Variants in CAP2 observed in about 807,000 individuals in gnomAD.
CAP2 encodes adenylyl cyclase-associated protein 2.
In CAP2, 24 loss-of-function variants were observed where a neutral mutation model predicts 57.7. That is an observed-to-expected ratio of 0.42 (90% CI 0.30 to 0.58). The LOEUF is 0.58. Ranked by LOEUF, CAP2 falls within the 20% of genes least tolerant of loss-of-function variation. CAP2 has a pLI of 0.22. For missense variants in CAP2, 501 were observed against 590.3 expected, an observed-to-expected ratio of 0.85 and a Z score of 1.57; for synonymous variants, 194 against 207.2, an observed-to-expected ratio of 0.94 and a Z score of 0.55.
chr6:17,531,707 T>C (rs1343457814), intron 7 of CAP2: 1 of 649,628 alleles, frequency 1.5e-6, no homozygotes, highest in Non-Finnish European at 2.6e-6. Flanking sequence ...TTGTCTGACC[T>C]GTACTTAAAG....
chr6:17,516,325 G>A (rs1323381500), intron 7 of CAP2, among the ~76,000 whole-genome samples: 1 of 152,228 alleles, frequency 6.6e-6, no homozygotes, highest in Non-Finnish European at 1.5e-5. Context: ...TAAGTGCTCA[G>A]TAAATGGTTT....
intron 4 of CAP2, among the ~76,000 whole-genome samples, chr6:17,467,382 A>G (rs1178920794): frequency 3.9e-5 from 6 of 152,244 alleles, no homozygotes; most frequent in Admixed American, 2.6e-4. Flanking sequence ...TTGTGGGTAC[A>G]TAGTAGGCAT....
At chr6:17,427,806 C>T (rs1464695078) in intron 3 of CAP2, among the ~76,000 whole-genome samples, 1 of 152,200 alleles carries the variant, frequency 6.6e-6, no homozygotes, top group African/African-American at 2.4e-5. Flanking sequence ...GAATATTATT[C>T]AGCCTTGAAA....
chr6:17,470,295 G>A (rs73375231), intron 4 of CAP2, among the ~76,000 whole-genome samples: 2,480 of 152,212 alleles, frequency 0.016, 74 homozygotes, highest in African/African-American at 0.056. Flanking sequence ...GTGTTTTCTT[G>A]TCTTTAAAAT....
intron 3 of CAP2, among the ~76,000 whole-genome samples, chr6:17,426,969 G>A (rs1254663262): frequency 6.6e-6 from 1 of 152,140 alleles, no homozygotes; most frequent in Admixed American, 6.5e-5. Flanking sequence ...TTTAGTCTGG[G>A]AAACAGATGA....
chr6:17,394,078 C>A (rs1163023725), intron 1 of CAP2, among the ~76,000 whole-genome samples: 1 of 149,936 alleles, frequency 6.7e-6, no homozygotes, highest in African/African-American at 2.4e-5. Context: ...TGGCGGGCGG[C>A]CGCGGCCTCC....
chr6:17,477,987 A>G (rs1403135044), intron 4 of CAP2, among the ~76,000 whole-genome samples: 1 of 148,158 alleles, frequency 6.7e-6, no homozygotes, highest in Non-Finnish European at 1.5e-5. Flanking sequence ...CTTTTCATAT[A>G]TATGAAATAT....
rs146568776 is a variant in CAP2, at chr6:17,519,104, G to A, written c.636+5150G>A. ...GGATTTTGAGATTTGCACTCTGTGG[G>A]GTTTTTAGTGACTGACAGCCTGCTG... On this transcript the variant is annotated intron_variant, in intron 7 of 12. Coordinates refer to ENST00000229922, the MANE Select transcript of CAP2 (RefSeq NM_006366.3). 4.5e-4 allele frequency among the ~76,000 whole-genome samples: 68 copies of A among 152,202 alleles called. 1 individual carries two copies. Among genetic ancestry groups the A allele is most frequent in the African/African-American group, 1.5e-3 (64 of 41,528 alleles).
intron 4 of CAP2, among the ~76,000 whole-genome samples, chr6:17,464,948 A>G (rs1204392713): frequency 6.6e-6 from 1 of 152,222 alleles, no homozygotes; most frequent in Non-Finnish European, 1.5e-5. Context: ...TTACCACTCC[A>G]TCCCTTCCCT....
intron 4 of CAP2, among the ~76,000 whole-genome samples, chr6:17,492,603 C>T (rs1206895337): frequency 6.6e-6 from 1 of 152,208 alleles, no homozygotes; most frequent in Non-Finnish European, 1.5e-5. Flanking sequence ...GATTTCTCCT[C>T]ATTGATGTTC....
chr6:17,410,341 G>T (rs1759106020), intron 1 of CAP2, among the ~76,000 whole-genome samples: 1 of 152,240 alleles, frequency 6.6e-6, no homozygotes, highest in South Asian at 2.1e-4. Context: ...CATCAGTATT[G>T]CTGAGAGTGG....
At chr6:17,543,770 C>T (rs1762968577) in intron 11 of CAP2, among the ~76,000 whole-genome samples, 1 of 152,052 alleles carries the variant, frequency 6.6e-6, no homozygotes, top group African/African-American at 2.4e-5. Context: ...TCTTTCTTTT[C>T]AATCTCTTCT....
intron 7 of CAP2, among the ~76,000 whole-genome samples, chr6:17,520,345 A>C (rs2113674482): frequency 6.6e-6 from 1 of 152,252 alleles, no homozygotes; most frequent in South Asian, 2.1e-4. Flanking sequence ...CCTGGGCTCA[A>C]GTGATCCGCC....
At chr6:17,461,029 G>A (rs1450729441) in intron 3 of CAP2, among the ~76,000 whole-genome samples, 1 of 151,974 alleles carries the variant, frequency 6.6e-6, no homozygotes, top group Non-Finnish European at 1.5e-5. Flanking sequence ...TGCGCCTGTG[G>A]CCCCAACTAC....
At chr6:17,454,036 G>A (rs1399992052) in intron 3 of CAP2, among the ~76,000 whole-genome samples, 6 of 149,290 alleles carry the variant, frequency 4.0e-5, no homozygotes, top group African/African-American at 7.5e-5. Context: ...TCAGCCTCCC[G>A]AGTAGCTGGA....
At chr6:17,517,424 T>G (rs1762296351) in intron 7 of CAP2, among the ~76,000 whole-genome samples, 1 of 152,266 alleles carries the variant, frequency 6.6e-6, no homozygotes, top group African/African-American at 2.4e-5. Context: ...ATAAATGTAG[T>G]TGTCTTCCTT....
rs1761660295 is a variant in CAP2, at chr6:17,496,032, G to GGGC, written c.301-11135_301-11134insCGG. Among the ~76,000 whole-genome samples the GGGC allele has an allele frequency of 1.1e-4, 14 of 132,664 alleles. 2 individuals are homozygous for GGGC. The highest frequency in any genetic ancestry group is 7.4e-4 in the East Asian group (3 of 4,036). The allele number at this position is 132,664 out of a possible 152,430, so 87.0% of individuals were successfully genotyped here. ...GCTGTGCATGCGTGTGTGGGTGGGG[G>GGGC]GGGGGGGTAAGTCAGGGAAAACAGG... On this transcript the variant is annotated intron_variant, in intron 4 of 12. Coordinates refer to ENST00000229922, the MANE Select transcript of CAP2 (RefSeq NM_006366.3).
chr6:17,410,925 A>T (rs1016558268), intron 1 of CAP2, among the ~76,000 whole-genome samples: 4 of 152,234 alleles, frequency 2.6e-5, no homozygotes, highest in Admixed American at 2.0e-4. Context: ...TTTGTTTTTA[A>T]ACCTTTTTTG....
At chr6:17,548,534 T>C (rs1161671447) in intron 11 of CAP2, among the ~76,000 whole-genome samples, 4 of 152,112 alleles carry the variant, frequency 2.6e-5, no homozygotes, top group African/African-American at 9.7e-5. Context: ...TGTAAGTAAA[T>C]GGACAGGAAG....
Sources: allele counts gnomAD v4.1 joint callset (sites outside exome capture counted in the v4.1 genomes callset), GRCh38; gene constraint gnomAD v4.1.1; transcripts MANE v1.5; gene names NCBI Gene and HGNC (gene_info 2026-07-23, HGNC 2026-07-21).